ADGRB3: variants seen among roughly 807,000 people sequenced by gnomAD.
ADGRB3 encodes the protein adhesion G protein-coupled receptor B3.
In ADGRB3, 37 loss-of-function variants were observed where a neutral mutation model predicts 193.4. The observed-to-expected ratio is 0.19, with a 90% CI of 0.15 to 0.25. ADGRB3 has a LOEUF of 0.25. Among genes scored for constraint, ADGRB3 ranks in the 10% least tolerant of loss-of-function variants. The pLI, the probability that ADGRB3 is intolerant of heterozygous loss-of-function variation, is 1.00. For missense variants in ADGRB3, 1,637 were observed against 1,852.9 expected (o/e 0.88, Z 2.14); for synonymous variants, 690 against 644.2 (o/e 1.07, Z -1.08).
At chr6:68,847,209 T>A (rs1768297035) in intron 3 of ADGRB3, among the ~76,000 whole-genome samples, 1 of 152,186 alleles carries the variant, frequency 6.6e-6, no homozygotes, top group Admixed American at 6.5e-5. Context: ...GTAACTAGCT[T>A]TCTTTTGACT....
At chr6:69,109,793 G>A (rs1473677066) in intron 17 of ADGRB3, among the ~76,000 whole-genome samples, 2 of 152,072 alleles carry the variant, frequency 1.3e-5, no homozygotes. Flanking sequence ...TGGGCTTAGT[G>A]TAGCAAGTCT....
At chr6:69,245,083 T>C (rs929631974) in intron 20 of ADGRB3, among the ~76,000 whole-genome samples, 4 of 152,062 alleles carry the variant, frequency 2.6e-5, no homozygotes, top group Non-Finnish European at 2.9e-5. Context: ...TTACATAAGC[T>C]AGAACTCTGG....
At chr6:68,660,576 TC>T (rs1332655107) in intron 3 of ADGRB3, among the ~76,000 whole-genome samples, 1 of 151,056 alleles carries the variant, frequency 6.6e-6, no homozygotes, top group African/African-American at 2.4e-5. Context: ...AAATTTTACT[TC>T]CATATATCCA....
intron 16 of ADGRB3, 94 bp from the exon 17 acceptor site, chr6:69,075,901 G>T: frequency 2.1e-6 from 2 of 933,496 alleles, no homozygotes; most frequent in Non-Finnish European, 3.3e-6. Flanking sequence ...CACAAGATAA[G>T]AAATCTTCCA....
chr6:68,745,246 A>G (rs1766061100), intron 3 of ADGRB3, among the ~76,000 whole-genome samples: 1 of 152,242 alleles, frequency 6.6e-6, no homozygotes, highest in Non-Finnish European at 1.5e-5. Context: ...TATACATACA[A>G]TGGAATATTT....
chr6:68,839,543 A>C (rs1768111167), intron 3 of ADGRB3, among the ~76,000 whole-genome samples: 1 of 152,182 alleles, frequency 6.6e-6, no homozygotes, highest in South Asian at 2.1e-4. Flanking sequence ...TATAGGAACA[A>C]ATTTCCAAAC....
At chr6:68,658,748 A>G (rs933498416) in intron 3 of ADGRB3, among the ~76,000 whole-genome samples, 1 of 150,858 alleles carries the variant, frequency 6.6e-6, no homozygotes, top group African/African-American at 2.4e-5. Flanking sequence ...TTACAGGGGC[A>G]TAGATGTTAA....
At chr6:68,648,397 C>T (rs534517244) in intron 3 of ADGRB3, among the ~76,000 whole-genome samples, 5 of 151,046 alleles carry the variant, frequency 3.3e-5, no homozygotes, top group African/African-American at 1.2e-4. Flanking sequence ...TACCTGCTAA[C>T]TTAATCCTGG....
At chr6:69,000,446 A>G (rs905315879) in intron 11 of ADGRB3, among the ~76,000 whole-genome samples, 1 of 152,218 alleles carries the variant, frequency 6.6e-6, no homozygotes, top group Non-Finnish European at 1.5e-5. Flanking sequence ...CTCATAGCCG[A>G]CAGCACTTTA....
chr6:69,240,716 C>T (rs75485288), intron 20 of ADGRB3, among the ~76,000 whole-genome samples: 3 of 151,774 alleles, frequency 2.0e-5, no homozygotes, highest in South Asian at 4.2e-4. Context: ...GAGATGGGAC[C>T]GTAAACCTTA....
At chr6:68,770,731 A>G (rs1313355758) in intron 3 of ADGRB3, among the ~76,000 whole-genome samples, 2 of 152,102 alleles carry the variant, frequency 1.3e-5, no homozygotes, top group African/African-American at 4.8e-5. Context: ...CTGAAATTCT[A>G]GAAATTTGAG....
At chr6:69,331,501 T>TA in intron 23 of ADGRB3, 1 of 983,944 alleles carries the variant, frequency 1.0e-6, no homozygotes, top group South Asian at 4.7e-5. Flanking sequence ...GACATCCTAC[T>TA]AATTCTGATA....
chr6:68,975,607 T>C (rs1020308488), intron 10 of ADGRB3, among the ~76,000 whole-genome samples: 2 of 152,228 alleles, frequency 1.3e-5, no homozygotes, highest in African/African-American at 4.8e-5. Flanking sequence ...AAATCTGTTA[T>C]TCAGTTTTAC....
chr6:68,835,102 G>C (rs1768021581), intron 3 of ADGRB3, among the ~76,000 whole-genome samples: 1 of 152,086 alleles, frequency 6.6e-6, no homozygotes. Context: ...ATTTTTGTCA[G>C]TTTCAGAACA....
intron 3 of ADGRB3, among the ~76,000 whole-genome samples, chr6:68,740,636 G>A (rs1765961813): frequency 2.0e-5 from 3 of 152,128 alleles, no homozygotes; most frequent in South Asian, 4.1e-4. Flanking sequence ...GGGCCACAAT[G>A]TCAGTGTTAA....
At chr6:68,772,877 ACAAACAAAAAAAAAAAAAT>A (rs1766648928) in intron 3 of ADGRB3, among the ~76,000 whole-genome samples, 2 of 27,716 alleles carry the variant, frequency 7.2e-5, no homozygotes, top group African/African-American at 2.3e-4. Flanking sequence ...AAACAAACAA[ACAAACAAAAAAAAAAAAAT>A]ATATATATAT....
intron 3 of ADGRB3, among the ~76,000 whole-genome samples, chr6:68,868,911 A>ATGTGTGTGTGTG (rs375255522): frequency 0.011 from 1,559 of 139,724 alleles, 30 homozygotes; most frequent in East Asian, 0.074. Context: ...CCAGATAATG[A>ATGTGTGTGTGTG]TGTGTGTGTG....
At chr6:68,724,632 T>C (rs1765641239) in intron 3 of ADGRB3, among the ~76,000 whole-genome samples, 3 of 151,090 alleles carry the variant, frequency 2.0e-5, no homozygotes, top group Admixed American at 6.6e-5. Context: ...TTTAGAGATG[T>C]GATTCTGACA....
chr6:69,376,033 A>G (rs541654458), intron 30 of ADGRB3, among the ~76,000 whole-genome samples: 7 of 151,856 alleles, frequency 4.6e-5, no homozygotes, highest in East Asian at 1.9e-4. Flanking sequence ...TTCACTTCCA[A>G]AAATGCAGAG....
Sources: gnomAD v4.1 joint callset for allele counts (sites outside exome capture counted in the v4.1 genomes callset) on GRCh38, gnomAD v4.1.1 for gene constraint, MANE v1.5 for transcripts, NCBI Gene and HGNC (gene_info 2026-07-23, HGNC 2026-07-21) for gene names.